The following TANGO6 variants were observed in gnomAD, a reference collection of about 807,000 sequenced individuals.
TANGO6 encodes transport and Golgi organization protein 6 homolog.
Under a neutral mutation model 114.2 loss-of-function variants are expected in TANGO6, and 90 were observed. The ratio of observed to expected loss-of-function variants is 0.79; its 90% CI spans 0.66 to 0.94. The LOEUF (loss-of-function observed/expected upper bound fraction) is 0.94, where lower values mean the gene tolerates loss of function less well. TANGO6 is among the 40% of genes least tolerant of loss of function. The pLI is 0.00. For missense variants in TANGO6, 1,274 were observed against 1,315.3 expected, an observed-to-expected ratio of 0.97 and a Z score of 0.49; for synonymous variants, 477 against 509.8, an observed-to-expected ratio of 0.94 and a Z score of 0.87.
chr16:69,059,056 C>G (rs1405381762), intron 17 of TANGO6, among the ~76,000 whole-genome samples: 1 of 150,296 alleles, frequency 6.7e-6, no homozygotes, highest in East Asian at 2.0e-4. Context: ...TACAGGCACC[C>G]ATTACCATGC....
At chr16:68,925,237 G>T (rs1963151315) in intron 12 of TANGO6, among the ~76,000 whole-genome samples, 1 of 152,130 alleles carries the variant, frequency 6.6e-6, no homozygotes, top group African/African-American at 2.4e-5. Flanking sequence ...TTGAACCTGG[G>T]AGGTGGAGGT....
At chr16:68,881,014 C>G (rs780079916) in intron 7 of TANGO6, among the ~76,000 whole-genome samples, 22 of 152,134 alleles carry the variant, frequency 1.4e-4, no homozygotes, top group Non-Finnish European at 2.6e-4. Flanking sequence ...GTCTCGAACT[C>G]CTGGGCTCAA....
intron 17 of TANGO6, among the ~76,000 whole-genome samples, chr16:69,063,015 GT>G (rs1336863574): frequency 6.6e-6 from 1 of 151,628 alleles, no homozygotes; most frequent in Non-Finnish European, 1.5e-5. Flanking sequence ...ATTGTTTGAG[GT>G]CAAGAGTTCG....
In TANGO6 at chr16:69,046,903, G is replaced by A. The variant is rs944563566; in HGVS notation, c.3108+6482G>A. Among the ~76,000 whole-genome samples the A allele has an allele frequency of 2.3e-4, 35 of 152,126 alleles. 1 individual carries two copies. The highest frequency in any genetic ancestry group is 5.8e-4 in the African/African-American group (24 of 41,428). On this transcript the variant is annotated intron_variant, in intron 17 of 17. Coordinates refer to ENST00000261778, the MANE Select transcript of TANGO6 (RefSeq NM_024562.2). Reference sequence around the variant, plus strand: ...AAATATGAGTGATTTTAGGCCAGGCGTGGTGGCTCACGCCTGTAATCCCAG... The same window carrying A: ...AAATATGAGTGATTTTAGGCCAGGCATGGTGGCTCACGCCTGTAATCCCAG...
intron 15 of TANGO6, among the ~76,000 whole-genome samples, chr16:69,019,322 A>G (rs933493657): frequency 6.6e-6 from 1 of 152,176 alleles, no homozygotes; most frequent in Non-Finnish European, 1.5e-5. Flanking sequence ...TCTATTCTGA[A>G]AATAGGTTAT....
At chr16:68,970,799 T>C (rs1288878688) in intron 14 of TANGO6, among the ~76,000 whole-genome samples, 1 of 152,130 alleles carries the variant, frequency 6.6e-6, no homozygotes, top group Non-Finnish European at 1.5e-5. Context: ...CATTGCAAAG[T>C]CATGACTACA....
In TANGO6 at chr16:68,994,609, C is replaced by G. The variant is rs567122681; in HGVS notation, c.2842+20441C>G. On this transcript the variant is annotated intron_variant, in intron 15 of 17. Transcript: ENST00000261778. The stretch of plus-strand genomic sequence containing the variant: ...TTTTTTTTAAAGACTGGTTCTTGCT[C>G]TGTTACCCAGGCTGGAGTGCAGTGG... Among the ~76,000 whole-genome samples the G allele has an allele frequency of 4.8e-4, 72 of 150,094 alleles. No homozygotes were observed. In the Middle Eastern group the frequency reaches 0.01, roughly 21 times the overall value.
chr16:68,934,156 C>T (rs1963276558), intron 14 of TANGO6, among the ~76,000 whole-genome samples: 1 of 151,736 alleles, frequency 6.6e-6, no homozygotes, highest in Admixed American at 6.6e-5. Flanking sequence ...AGTCCTACCA[C>T]GTCTGCCTCC....
At chr16:68,977,249 A>G (rs1332713932) in intron 15 of TANGO6, among the ~76,000 whole-genome samples, 1 of 151,672 alleles carries the variant, frequency 6.6e-6, no homozygotes, top group Non-Finnish European at 1.5e-5. Flanking sequence ...TAGGTCTCCA[A>G]CCACTTAAAT....
chr16:68,931,685 C>G (rs769350086), intron 14 of TANGO6, among the ~76,000 whole-genome samples: 1 of 152,068 alleles, frequency 6.6e-6, no homozygotes, highest in African/African-American at 2.4e-5. Context: ...ATGAAATATC[C>G]AGAATAGGCA....
At chr16:69,037,986 T>A (rs1388837097) in intron 16 of TANGO6, among the ~76,000 whole-genome samples, 1 of 152,248 alleles carries the variant, frequency 6.6e-6, no homozygotes. Flanking sequence ...ACAAGCCTAT[T>A]TCCTCACTTG....
intron 4 of TANGO6, among the ~76,000 whole-genome samples, chr16:68,874,150 G>T (rs1385721945): frequency 2.0e-5 from 3 of 152,116 alleles, no homozygotes; most frequent in Non-Finnish European, 4.4e-5. Context: ...ACCTGAGAGA[G>T]GACCCTTTTG....
intron 15 of TANGO6, among the ~76,000 whole-genome samples, chr16:69,020,734 T>C (rs1193516044): frequency 6.6e-6 from 1 of 151,976 alleles, no homozygotes; most frequent in Non-Finnish European, 1.5e-5. Flanking sequence ...ACCCTGTTTC[T>C]ACAAAAAAAT....
At chr16:68,888,363 A>ACAAC (rs1028125819) in intron 7 of TANGO6, among the ~76,000 whole-genome samples, 7 of 152,140 alleles carry the variant, frequency 4.6e-5, no homozygotes, top group Non-Finnish European at 1.0e-4. Flanking sequence ...TTGCACAGAG[A>ACAAC]CTGGTTCTGG....
chr16:69,081,037 C>T (rs1960457235), intron 17 of TANGO6, among the ~76,000 whole-genome samples: 1 of 152,134 alleles, frequency 6.6e-6, no homozygotes, highest in East Asian at 1.9e-4. Context: ...ACTCGGGAGG[C>T]TAAGGCAGGA....
intron 15 of TANGO6, among the ~76,000 whole-genome samples, chr16:68,998,908 A>T (rs1964016610): frequency 6.6e-6 from 1 of 151,766 alleles, no homozygotes; most frequent in Admixed American, 6.6e-5. Context: ...GATTGAGACA[A>T]GTCTCACTCT....
chr16:69,001,968 C>T (rs1472549936), intron 15 of TANGO6, among the ~76,000 whole-genome samples: 1 of 152,014 alleles, frequency 6.6e-6, no homozygotes, highest in Non-Finnish European at 1.5e-5. Context: ...TAAAAGTTCT[C>T]TCATAATGCA....
At chr16:68,919,007 T>C in intron 11 of TANGO6, 78 bp from the exon 12 acceptor site, 1 of 1,489,606 alleles carries the variant, frequency 6.7e-7, no homozygotes, top group Non-Finnish European at 9.0e-7. Flanking sequence ...AAGATGAGGA[T>C]GTAGACATAA....
At chr16:68,976,564 A>G (rs930898890) in intron 15 of TANGO6, among the ~76,000 whole-genome samples, 1 of 152,238 alleles carries the variant, frequency 6.6e-6, no homozygotes, top group African/African-American at 2.4e-5. Flanking sequence ...ACTGGGCTAT[A>G]TAACATAGAA....
Sources: allele counts gnomAD v4.1 joint callset (sites outside exome capture counted in the v4.1 genomes callset), GRCh38; gene constraint gnomAD v4.1.1; transcripts MANE v1.5; gene names NCBI Gene and HGNC (gene_info 2026-07-23, HGNC 2026-07-21).